Variants in KCTD16 observed in about 807,000 individuals in gnomAD.
KCTD16 encodes potassium channel tetramerization domain containing 16.
A neutral mutation model predicts 33.2 loss-of-function variants in KCTD16; 13 were observed. The ratio of observed to expected loss-of-function variants is 0.39; its 90% CI spans 0.25 to 0.62. The LOEUF is 0.62. KCTD16 is among the 20% of genes least tolerant of loss of function. The pLI is 0.50. For missense variants in KCTD16, 441 were observed against 525.1 expected (o/e 0.84, Z 1.57); for synonymous variants, 197 against 195.3 (o/e 1.01, Z -0.07).
intron 2 of KCTD16, among the ~76,000 whole-genome samples, chr5:144,193,936 A>G (rs1280206905): frequency 6.6e-6 from 1 of 152,190 alleles, no homozygotes; most frequent in Non-Finnish European, 1.5e-5. Flanking sequence ...TTAACACAGA[A>G]GGAGAACTTG....
chr5:144,320,193 C>T (rs1752036325), intron 3 of KCTD16, among the ~76,000 whole-genome samples: 2 of 152,106 alleles, frequency 1.3e-5, no homozygotes, highest in South Asian at 4.1e-4. Context: ...TAATTTCCTG[C>T]AATTATAATC....
In KCTD16 at chr5:144,352,807, G is replaced by A. The variant is rs1040798490; in HGVS notation, c.833-120853G>A. Among the ~76,000 whole-genome samples, 3 of 152,196 alleles carry A rather than the reference G, an allele frequency of 2.0e-5. No homozygotes were observed. In the South Asian group the frequency reaches 6.2e-4, roughly 32 times the overall value. Reference sequence around the variant, plus strand: ...GATGATTTATGAAAACAAATGATCTGAGTTGGCACTAATGGGTTTTGAGAC... The same window carrying A: ...GATGATTTATGAAAACAAATGATCTAAGTTGGCACTAATGGGTTTTGAGAC... On this transcript the variant is annotated intron_variant, in intron 3 of 3. Coordinates refer to ENST00000512467, the MANE Select transcript of KCTD16 (RefSeq NM_020768.4).
intron 3 of KCTD16, among the ~76,000 whole-genome samples, chr5:144,401,191 T>G (rs1561594291): frequency 6.6e-6 from 1 of 152,220 alleles, no homozygotes; most frequent in East Asian, 1.9e-4. Flanking sequence ...CTGCCAAGGA[T>G]GGGATATGTT....
chr5:144,181,636 A>T (rs1752627984), intron 2 of KCTD16, among the ~76,000 whole-genome samples: 1 of 152,230 alleles, frequency 6.6e-6, no homozygotes, highest in African/African-American at 2.4e-5. Context: ...TTTGTGCAAC[A>T]TGGATGAAAC....
chr5:144,467,716 G>A (rs1382646345), intron 3 of KCTD16, among the ~76,000 whole-genome samples: 1 of 151,620 alleles, frequency 6.6e-6, no homozygotes, highest in Non-Finnish European at 1.5e-5. Context: ...TTGTTTGTTT[G>A]TTTTAATTTT....
intron 3 of KCTD16, among the ~76,000 whole-genome samples, chr5:144,341,236 G>A (rs1279194319): frequency 6.6e-6 from 1 of 152,080 alleles, no homozygotes; most frequent in Admixed American, 6.5e-5. Flanking sequence ...ATGACTAAAC[G>A]GCTTCTGTGA....
intron 3 of KCTD16, among the ~76,000 whole-genome samples, chr5:144,228,986 G>A (rs1446319229): frequency 6.6e-6 from 1 of 152,222 alleles, no homozygotes; most frequent in Non-Finnish European, 1.5e-5. Context: ...AGGACTGTGG[G>A]AGAGTGAATA....
At chr5:144,272,416 G>GTGA (rs564298383) in intron 3 of KCTD16, among the ~76,000 whole-genome samples, 18 of 152,142 alleles carry the variant, frequency 1.2e-4, no homozygotes, top group African/African-American at 4.3e-4. Flanking sequence ...GGCAACAAGA[G>GTGA]TGAAACTCCA....
rs6866844 is a variant in KCTD16, at chr5:144,248,589, C to T, written c.832+41043C>T. 1.4e-4 allele frequency among the ~76,000 whole-genome samples: 21 copies of T among 152,244 alleles called. No homozygotes were observed. In the South Asian group the frequency reaches 3.7e-3, roughly 27 times the overall value. ...GGCTGCTCTTTTGAAAATAGACTGT[C>T]GAGAGATGTGGTTGGGAACAGGGAG... On this transcript the variant is annotated intron_variant, in intron 3 of 3. Transcript: ENST00000512467.
At chr5:144,287,629 T>C (rs958390038) in intron 3 of KCTD16, among the ~76,000 whole-genome samples, 1 of 152,142 alleles carries the variant, frequency 6.6e-6, no homozygotes, top group East Asian at 1.9e-4. Context: ...TAGTCTTTAA[T>C]AATAATATTA....
intron 3 of KCTD16, among the ~76,000 whole-genome samples, chr5:144,237,087 GTTC>G (rs746565073): frequency 2.0e-5 from 3 of 151,930 alleles, no homozygotes; most frequent in Non-Finnish European, 2.9e-5. Context: ...TACCTCCATT[GTTC>G]TTCTTGTAAG....
intron 3 of KCTD16, among the ~76,000 whole-genome samples, chr5:144,351,345 C>T (rs760720785): frequency 1.3e-5 from 2 of 152,086 alleles, no homozygotes; most frequent in Admixed American, 6.6e-5. Context: ...CCAATTAAAA[C>T]CACAATGCAA....
At position 144,207,554 on chromosome 5, in the gene KCTD16, C is replaced by T. The variant is rs1471634026; in HGVS notation, c.832+8C>T. 6.3e-7 allele frequency: 1 copy of T among 1,592,130 alleles called. No homozygotes were observed. The highest frequency in any genetic ancestry group is 8.6e-7 in the Non-Finnish European group (1 of 1,165,072). Reference sequence around the variant, plus strand: ...CTGAATATGTCTTCTACCGTAAGTACAAAGGGTTGTTTTAATTTTTTATGT... The same window carrying T: ...CTGAATATGTCTTCTACCGTAAGTATAAAGGGTTGTTTTAATTTTTTATGT... On this transcript the variant is annotated splice_region_variant and intron_variant, in intron 3 of 3. Coordinates refer to ENST00000512467, the MANE Select transcript of KCTD16 (RefSeq NM_020768.4).
chr5:144,423,097 A>G (rs1249225296), intron 3 of KCTD16, among the ~76,000 whole-genome samples: 1 of 152,176 alleles, frequency 6.6e-6, no homozygotes, highest in Non-Finnish European at 1.5e-5. Context: ...AGAGAAGTGT[A>G]AGTTCAAATG....
chr5:144,222,674 A>G (rs1323089675), intron 3 of KCTD16, among the ~76,000 whole-genome samples: 1 of 152,192 alleles, frequency 6.6e-6, no homozygotes, highest in Non-Finnish European at 1.5e-5. Flanking sequence ...AGAAATAGGA[A>G]CACTTTTACA....
chr5:144,418,555 G>C (rs1334182673), intron 3 of KCTD16, among the ~76,000 whole-genome samples: 1 of 152,106 alleles, frequency 6.6e-6, no homozygotes, highest in Admixed American at 6.6e-5. Flanking sequence ...AGCCTAGCTG[G>C]CTTCACCTCT....
chr5:144,299,181 T>G (rs1458747706), intron 3 of KCTD16, among the ~76,000 whole-genome samples: 1 of 127,848 alleles, frequency 7.8e-6, no homozygotes, highest in Non-Finnish European at 1.7e-5. Flanking sequence ...GTCACTGAGC[T>G]GTTTAATGTT....
At chr5:144,396,293 T>G (rs1218711575) in intron 3 of KCTD16, among the ~76,000 whole-genome samples, 1 of 152,174 alleles carries the variant, frequency 6.6e-6, no homozygotes, top group African/African-American at 2.4e-5. Flanking sequence ...CTCATTACTT[T>G]CCAGCCCTTG....
At chr5:144,180,194 T>A (rs1232264290) in intron 2 of KCTD16, among the ~76,000 whole-genome samples, 1 of 152,188 alleles carries the variant, frequency 6.6e-6, no homozygotes, top group African/African-American at 2.4e-5. Context: ...ATAATGATGC[T>A]CCTACATGAG....
Sources: gnomAD v4.1 joint callset for allele counts (sites outside exome capture counted in the v4.1 genomes callset) on GRCh38, gnomAD v4.1.1 for gene constraint, MANE v1.5 for transcripts, NCBI Gene and HGNC (gene_info 2026-07-23, HGNC 2026-07-21) for gene names.